NR3C1: variants seen among roughly 807,000 people sequenced by gnomAD.
The protein encoded by NR3C1 is glucocorticoid receptor.
In NR3C1, 14 loss-of-function variants were observed where a neutral mutation model predicts 74.0. That is an observed-to-expected ratio of 0.19 (90% CI 0.12 to 0.30). The LOEUF is 0.30. Ranked by LOEUF, NR3C1 falls within the 10% of genes least tolerant of loss-of-function variation. NR3C1 has a pLI of 1.00. For synonymous variants in NR3C1, 308 were observed against 332.5 expected (o/e 0.93, Z 0.80); for missense variants, 695 against 909.8 (o/e 0.76, Z 3.04).
At chr5:143,291,796 A>G (rs2151515365) in intron 7 of NR3C1, among the ~76,000 whole-genome samples, 1 of 152,268 alleles carries the variant, frequency 6.6e-6, no homozygotes, top group East Asian at 1.9e-4. Flanking sequence ...TCCTTACAGC[A>G]TTCCTTAGCA....
intron 1 of NR3C1, among the ~76,000 whole-genome samples, chr5:143,424,290 T>C (rs1309083950): frequency 6.6e-6 from 1 of 152,078 alleles, no homozygotes; most frequent in Non-Finnish European, 1.5e-5. Context: ...AGGAATAAGA[T>C]CTAGTGTTCA....
upstream of NR3C1, chr5:143,407,512 C>T (rs1216542201): frequency 6.6e-6 from 1 of 152,174 alleles, no homozygotes; most frequent in Non-Finnish European, 1.5e-5. Flanking sequence ...CTCTGTATCA[C>T]CCACCAGAAC....
chr5:143,287,670 G>T (rs1304324978), intron 7 of NR3C1, among the ~76,000 whole-genome samples: 1 of 152,062 alleles, frequency 6.6e-6, no homozygotes, highest in African/African-American at 2.4e-5. Context: ...GTACTACCCT[G>T]GTAGCAAAGC....
chr5:143,372,584 G>A (rs1200850462), intron 2 of NR3C1, among the ~76,000 whole-genome samples: 1 of 152,222 alleles, frequency 6.6e-6, no homozygotes, highest in Admixed American at 6.5e-5. Context: ...CAAAACTGCA[G>A]ATAAGGCGGA....
Position 143,282,571 on chromosome 5 carries a change from A to G in NR3C1, c.2178T>C (p.His726=). 1 of 1,613,784 alleles carries G rather than the reference A, an allele frequency of 6.2e-7. No individual in the cohort carries two copies. Among genetic ancestry groups the G allele is most frequent in the Middle Eastern group, 1.7e-4 (1 of 6,054 alleles). The change falls in exon 8 of 9, where the codon CAT becomes CAC. Residue 726 remains histidine (H), a synonymous_variant. Coordinates refer to ENST00000394464, the MANE Select transcript of NR3C1 (RefSeq NM_000176.3). ...YQLTKLLDSM[H]EVVENLLNYC... ...TGGCTTTATGTTTGACACTTACTTC[A>G]TGCATAGAATCCAAGAGTTTTGTCA...
In NR3C1 at chr5:143,282,038, C is replaced by T. The variant is rs1027058734; in HGVS notation, c.2185G>A (p.Val729Ile). The T allele has an allele frequency of 1.2e-6, 2 of 1,613,308 alleles. No individual in the cohort carries two copies. The highest frequency in any genetic ancestry group is 1.7e-5 in the Admixed American group (1 of 59,950). ...TKLLDSMHEV[V>I]ENLLNYCFQT... ...AAGCAATAGTTAAGGAGATTTTCAA[C>T]CACCTGCAAGAGAAGATATGGTAAT... The change falls in exon 9 of 9, where the codon GTT becomes ATT. Residue 729 changes from valine to isoleucine, a missense_variant. Val to Ile is a conservative substitution (Grantham distance 29). This residue lies in a region of NR3C1 where 133 missense variants were observed against 287.9 expected (regional missense o/e 0.46). Coordinates refer to ENST00000394464, the MANE Select transcript of NR3C1 (RefSeq NM_000176.3).
rs1049348975 is a variant in NR3C1 at position 143,403,363 on chromosome 5, TG to T, written c.-167del. On this transcript the variant is annotated 5_prime_UTR_variant, in exon 1 of 9. Transcript: ENST00000394464. ...AAACAGCCGCCCCTTTCTCCATGGG[TG>T]GGGGGAGAGCCCCTATTTAAGAAAG... 1.0e-6 allele frequency: 1 copy of T among 985,348 alleles called. No individual in the cohort carries two copies. 61.0% of individuals were successfully genotyped at this position (985,348 alleles called of 1,614,324 possible). A position where few individuals can be genotyped will look rare whatever the true frequency, so the allele number is the denominator to read the frequency against.
chr5:143,304,441 T>C (rs1466515267), intron 4 of NR3C1, among the ~76,000 whole-genome samples: 1 of 152,136 alleles, frequency 6.6e-6, no homozygotes, highest in Non-Finnish European at 1.5e-5. Flanking sequence ...CATTCCATGC[T>C]CATGGACTGG....
chr5:143,380,661 CA>C (rs1275142274), intron 2 of NR3C1, among the ~76,000 whole-genome samples: 1 of 83,054 alleles, frequency 1.2e-5, no homozygotes, highest in Non-Finnish European at 2.3e-5. Context: ...GATTATAGGG[CA>C]GGGGGGTGGG....
intron 2 of NR3C1, among the ~76,000 whole-genome samples, chr5:143,380,995 A>G (rs1167988876): frequency 6.6e-6 from 1 of 152,190 alleles, no homozygotes; most frequent in Non-Finnish European, 1.5e-5. Context: ...AATGGAATGG[A>G]AGAAGTCAAA....
chr5:143,282,769 TTTC>T lies in NR3C1; in HGVS notation c.2024-47_2024-45del, dbSNP rs769553094. On this transcript the variant is annotated intron_variant, in intron 7 of 8. Transcript: ENST00000394464. The stretch of plus-strand genomic sequence containing the variant: ...GTCAGTTAAAGGATTTTCTTTTTCT[TTTC>T]TTTTCTTTTTTTTTTTTTTTTGAGA... 5.7e-5 allele frequency: 90 copies of T among 1,583,758 alleles called. 1 individual carries two copies. In the East Asian group the frequency reaches 1.2e-3, roughly 21 times the overall value.
At chr5:143,432,332 T>G (rs1439209535) in intron 1 of NR3C1, among the ~76,000 whole-genome samples, 1 of 152,210 alleles carries the variant, frequency 6.6e-6, no homozygotes, top group African/African-American at 2.4e-5. Context: ...CTAGCATATA[T>G]TCCAAATTCA....
At chr5:143,411,062 C>T (rs1280094536) in intron 1 of NR3C1, among the ~76,000 whole-genome samples, 1 of 152,162 alleles carries the variant, frequency 6.6e-6, no homozygotes. Context: ...CTCCATTTTA[C>T]TATTATCTAT....
At chr5:143,411,973 G>A (rs967058441) in intron 1 of NR3C1, among the ~76,000 whole-genome samples, 7 of 152,010 alleles carry the variant, frequency 4.6e-5, no homozygotes, top group Non-Finnish European at 1.0e-4. Flanking sequence ...TTGGACAGGA[G>A]AGGTATTTTG....
chr5:143,361,196 T>C (rs867369634), intron 2 of NR3C1, among the ~76,000 whole-genome samples: 1 of 152,244 alleles, frequency 6.6e-6, no homozygotes, highest in Non-Finnish European at 1.5e-5. Context: ...CATGGCTGAA[T>C]GACTAAAGAC....
At chr5:143,411,809 A>G (rs985455640) in intron 1 of NR3C1, among the ~76,000 whole-genome samples, 4 of 152,088 alleles carry the variant, frequency 2.6e-5, no homozygotes, top group Non-Finnish European at 5.9e-5. Context: ...CTAATTTACT[A>G]TTTGAAAAGC....
At chr5:143,290,988 T>G (rs1049320492) in intron 7 of NR3C1, among the ~76,000 whole-genome samples, 1 of 152,138 alleles carries the variant, frequency 6.6e-6, no homozygotes, top group African/African-American at 2.4e-5. Context: ...CTCTCATGTC[T>G]TTCATTCTTT....
intron 2 of NR3C1, among the ~76,000 whole-genome samples, chr5:143,348,229 C>G (rs1561634196): frequency 6.6e-6 from 1 of 152,158 alleles, no homozygotes; most frequent in African/African-American, 2.4e-5. Flanking sequence ...TCAGATAAAA[C>G]TACTGAAAAT....
At chr5:143,397,694 G>C (rs533752219) in intron 2 of NR3C1, among the ~76,000 whole-genome samples, 9 of 151,732 alleles carry the variant, frequency 5.9e-5, no homozygotes, top group Non-Finnish European at 1.2e-4. Context: ...TGATATTAAA[G>C]AACTTCTAAA....
Sources: gnomAD v4.1 joint callset for allele counts (sites outside exome capture counted in the v4.1 genomes callset) on GRCh38, gnomAD v4.1.1 for gene constraint, gnomAD v4.1.1 regional missense constraint, MANE v1.5 for transcripts, NCBI Gene and HGNC (gene_info 2026-07-23, HGNC 2026-07-21) for gene names.